GABRP: variants seen among roughly 807,000 people sequenced by gnomAD.
GABRP encodes the protein gamma-aminobutyric acid receptor subunit pi.
In GABRP, 52 loss-of-function variants were observed where a neutral mutation model predicts 47.8. The ratio of observed to expected loss-of-function variants is 1.09; its 90% CI spans 0.87 to 1.37. The LOEUF is 1.37. GABRP is among the 40% of genes most tolerant of loss of function. GABRP has a pLI of 0.00. For missense variants in GABRP, 525 were observed against 542.8 expected, an observed-to-expected ratio of 0.97 and a Z score of 0.33; for synonymous variants, 221 against 205.8, an observed-to-expected ratio of 1.07 and a Z score of -0.63.
rs768447552 is a variant in GABRP, at chr5:170,805,714, A to AG, written c.545dup. On this transcript the variant is annotated splice_acceptor_variant, in intron 6 of 9. Transcript: ENST00000265294. LOFTEE classifies it high-confidence loss of function. ...TGACCAGGGCTCCATTTTATTTGCC[A>AG]GGGGGCTATGATGGAAATGATGTGG... 12 of 1,613,488 alleles carry AG rather than the reference A, an allele frequency of 7.4e-6. No homozygotes were observed. Among genetic ancestry groups the AG allele is most frequent in the Middle Eastern group, 1.7e-4 (1 of 6,056 alleles).
chr5:170,789,788 C>T lies in GABRP; in HGVS notation c.172+541C>T, dbSNP rs114085403. ...GCTCCTTCCCCTCCTACAATGCTCC[C>T]CAGTGTACTCAGAATGCTCCCTGAC... On this transcript the variant is annotated intron_variant, in intron 3 of 9. Coordinates refer to ENST00000265294, the MANE Select transcript of GABRP (RefSeq NM_014211.3). Among the ~76,000 whole-genome samples the T allele has an allele frequency of 6.9e-3, 1,054 of 152,280 alleles. 4 individuals carry two copies. The highest frequency in any genetic ancestry group is 0.012 in the Non-Finnish European group (814 of 68,026).
intron 4 of GABRP, among the ~76,000 whole-genome samples, chr5:170,794,937 C>T (rs1357690464): frequency 6.6e-6 from 1 of 150,526 alleles, no homozygotes; most frequent in African/African-American, 2.4e-5. Flanking sequence ...GCAATAGGAG[C>T]TATTATCTAG....
chr5:170,809,790 A>G (rs749588089), intron 9 of GABRP, 35 bp downstream of exon 9: 9 of 1,554,620 alleles, frequency 5.8e-6, no homozygotes, highest in African/African-American at 2.7e-5. Context: ...ATGATCCATC[A>G]CTGGTGCCGT....
intron 1 of GABRP, among the ~76,000 whole-genome samples, chr5:170,785,430 C>T (rs1219150327): frequency 6.6e-6 from 1 of 152,196 alleles, no homozygotes; most frequent in African/African-American, 2.4e-5. Context: ...AATTAAGCAC[C>T]AGACATGGCT....
intron 6 of GABRP, among the ~76,000 whole-genome samples, chr5:170,797,968 G>C (rs1472661336): frequency 6.6e-6 from 1 of 152,232 alleles, no homozygotes; most frequent in Admixed American, 6.5e-5. Context: ...TGGCAGAGTT[G>C]AGTATTTGTG....
At chr5:170,793,897 T>C (rs1374268121) in intron 3 of GABRP, among the ~76,000 whole-genome samples, 1 of 152,154 alleles carries the variant, frequency 6.6e-6, no homozygotes, top group Non-Finnish European at 1.5e-5. Flanking sequence ...GTGCTATTAT[T>C]GCACTCCAGC....
intron 6 of GABRP, 114 bp from the exon 7 acceptor site, chr5:170,805,602 C>A: frequency 1.7e-6 from 2 of 1,183,616 alleles, no homozygotes; most frequent in Non-Finnish European, 2.4e-6. Context: ...TGTCCTTGGA[C>A]TTATCACTAT....
In GABRP at chr5:170,795,316, G is replaced by A. The variant is rs1464278226; in HGVS notation, c.349G>A (p.Val117Met). 6.2e-7 allele frequency: 1 copy of A among 1,613,978 alleles called. No homozygotes were observed. Among genetic ancestry groups the A allele is most frequent in the South Asian group, 1.1e-5 (1 of 91,066 alleles). The part of the protein sequence containing the change: ...LDARLVEFLW[V>M]PDTYIVESKK... ...TGCCCGCCTCGTGGAGTTCCTCTGG[G>A]TGCCAGATACTTACATTGTGGAGTC... Residue 117 changes from valine to methionine, a missense_variant, in exon 5 of 10, where the codon GTG becomes ATG. Coordinates refer to ENST00000265294, the MANE Select transcript of GABRP (RefSeq NM_014211.3).
intron 6 of GABRP, among the ~76,000 whole-genome samples, chr5:170,799,574 G>A (rs1399838122): frequency 1.3e-5 from 2 of 152,182 alleles, no homozygotes; most frequent in Admixed American, 6.5e-5. Context: ...CTGCACAAAT[G>A]TCTTCTTTTG....
intron 1 of GABRP, among the ~76,000 whole-genome samples, chr5:170,787,071 T>C (rs1334857045): frequency 1.3e-5 from 2 of 152,188 alleles, no homozygotes; most frequent in Non-Finnish European, 1.5e-5. Context: ...ACATAAAACC[T>C]TCTTTACTGT....
rs143041431 is a variant in GABRP at position 170,791,252 on chromosome 5, G to A, written c.172+2005G>A. On this transcript the variant is annotated intron_variant, in intron 3 of 9. Coordinates refer to ENST00000265294, the MANE Select transcript of GABRP (RefSeq NM_014211.3). ...CCACCTGGGGTGAAAATGGGGCATG[G>A]AGTCTTCAGTTTAAAAAAGGGAAAA... 3.9e-5 allele frequency among the ~76,000 whole-genome samples: 6 copies of A among 152,350 alleles called. No homozygotes were observed. The East Asian group carries it at 7.7e-4, about 20-fold the overall frequency.
chr5:170,787,497 A>C (rs1158443), intron 1 of GABRP, among the ~76,000 whole-genome samples: 64,402 of 151,976 alleles, frequency 0.42, 14,239 homozygotes, highest in African/African-American at 0.52. Context: ...CCTCACATAC[A>C]CACCAGCTGG....
At chr5:170,798,975 C>G (rs1368207274) in intron 6 of GABRP, among the ~76,000 whole-genome samples, 1 of 148,868 alleles carries the variant, frequency 6.7e-6, no homozygotes, top group African/African-American at 2.5e-5. Context: ...GTTCCCCTTC[C>G]TGTGTCCAAG....
intron 9 of GABRP, 164 bp downstream of exon 9, chr5:170,809,919 C>A (rs1164357091): frequency 1.4e-6 from 1 of 723,124 alleles, no homozygotes; most frequent in Non-Finnish European, 2.5e-6. Flanking sequence ...AGTCATGGTG[C>A]CCCTTGAAAA....
At chr5:170,807,095 T>A (rs1765756343) in intron 7 of GABRP, among the ~76,000 whole-genome samples, 2 of 151,986 alleles carry the variant, frequency 1.3e-5, no homozygotes, top group South Asian at 4.2e-4. Flanking sequence ...ACTATAGGTG[T>A]GTGCCATCAT....
chr5:170,812,100 G>T lies in GABRP; in HGVS notation c.1165G>T (p.Asp389Tyr). 5 of 1,614,118 alleles carry T rather than the reference G, an allele frequency of 3.1e-6. No individual in the cohort carries two copies. Among genetic ancestry groups the T allele is most frequent in the Non-Finnish European group, 4.2e-6 (5 of 1,180,028 alleles). Residue 389 changes from aspartate to tyrosine, a missense_variant, in exon 10 of 10, where the codon GAC (aspartate) becomes TAC (tyrosine). Physicochemically the swap from Asp to Tyr is radical, Grantham distance 160. Transcript: ENST00000265294. The part of the protein sequence containing the change: ...DYSDLTMKTS[D>Y]KFKFVFREKM... ...CAGTGACTTGACAATGAAAACCAGCGACAAGTTCAAGTTTGTCTTCCGAGA... is the reference window on the plus strand; with the variant it reads ...CAGTGACTTGACAATGAAAACCAGCTACAAGTTCAAGTTTGTCTTCCGAGA...
chr5:170,797,433 A>G (rs778604336), intron 5 of GABRP, 33 bp from the exon 6 acceptor site: 3 of 1,366,344 alleles, frequency 2.2e-6, no homozygotes, highest in Admixed American at 3.3e-5. Flanking sequence ...ACTTCCTCAC[A>G]ATACTGTTTT....
In GABRP at chr5:170,809,698, G is replaced by C; in HGVS notation, c.963G>C (p.Leu321Phe). Residue 321 changes from leucine to phenylalanine, a missense_variant, in exon 9 of 10, where the codon TTG becomes TTC. Leu to Phe is a conservative substitution (Grantham distance 22). Transcript: ENST00000265294. ...GCTTTAGCTTTGTGTTTGGGGCCTT[G>C]CTAGAATATGCAGTTGCTCACTACA... The part of the protein sequence containing the change: ...GICFSFVFGA[L>F]LEYAVAHYSS... 6.2e-7 allele frequency: 1 copy of C among 1,612,786 alleles called. No homozygotes were observed. Among genetic ancestry groups the C allele is most frequent in the Non-Finnish European group, 8.5e-7 (1 of 1,179,314 alleles).
chr5:170,792,981 G>A (rs540137111), intron 3 of GABRP, among the ~76,000 whole-genome samples: 175 of 152,234 alleles, frequency 1.1e-3, no homozygotes, highest in Middle Eastern at 3.4e-3. Flanking sequence ...CTAGGATTAC[G>A]GAAGAGAGGG....
Sources: allele counts gnomAD v4.1 joint callset (sites outside exome capture counted in the v4.1 genomes callset), GRCh38; gene constraint gnomAD v4.1.1; transcripts MANE v1.5; gene names NCBI Gene and HGNC (gene_info 2026-07-23, HGNC 2026-07-21).